TBC1D19: variants seen among roughly 807,000 people sequenced by gnomAD.
The protein encoded by TBC1D19 is TBC1 domain family member 19, also known as TBC1 domain family, member 19.
Under a neutral mutation model 89.0 loss-of-function variants are expected in TBC1D19, and 60 were observed. That is an observed-to-expected ratio of 0.67 (90% confidence interval 0.55 to 0.84). The LOEUF (loss-of-function observed/expected upper bound fraction) is 0.84, where lower values mean the gene tolerates loss of function less well. Among genes scored for constraint, TBC1D19 ranks in the 40% least tolerant of loss-of-function variants. The pLI is 0.00. For synonymous variants in TBC1D19, 189 were observed against 199.7 expected (o/e 0.95, Z 0.45); for missense variants, 500 against 610.8 (o/e 0.82, Z 1.91).
At chr4:26,711,584 G>C (rs892284375) in intron 13 of TBC1D19, among the ~76,000 whole-genome samples, 2 of 151,930 alleles carry the variant, frequency 1.3e-5, no homozygotes, top group Non-Finnish European at 2.9e-5. Context: ...GACATTTTAG[G>C]TATAATTCTG....
At position 26,728,580 on chromosome 4, in the gene TBC1D19, A is replaced by G. The variant is rs557292742; in HGVS notation, c.1085-6875A>G. Among the ~76,000 whole-genome samples the G allele has an allele frequency of 2.1e-4, 32 of 152,344 alleles. No individual in the cohort carries two copies. In the South Asian group the frequency reaches 4.1e-3, roughly 20 times the overall value. On this transcript the variant is annotated intron_variant, in intron 15 of 20. Coordinates refer to ENST00000264866, the MANE Select transcript of TBC1D19 (RefSeq NM_018317.4). ...GAATATAGAGAAAGACTTGAAAAAG[A>G]AATGTTTTTTGAGCTCTCCTTCCAG...
chr4:26,841,193 A>C, the TBC1D19 span, among the ~76,000 whole-genome samples: 1 of 152,300 alleles, frequency 6.6e-6, no homozygotes, highest in South Asian at 2.1e-4. Flanking sequence ...CCTGGCCAAC[A>C]TGGAGAAACC....
the TBC1D19 span, among the ~76,000 whole-genome samples, chr4:26,763,648 C>G: frequency 6.6e-6 from 1 of 152,210 alleles, no homozygotes; most frequent in Non-Finnish European, 1.5e-5. Context: ...GTCGTCAGGA[C>G]TTCCTGAGGC....
intron 19 of TBC1D19, among the ~76,000 whole-genome samples, chr4:26,750,462 G>A (rs1187755108): frequency 6.6e-6 from 1 of 152,160 alleles, no homozygotes; most frequent in African/African-American, 2.4e-5. Context: ...TTCATACCTT[G>A]AAAGAAATGT....
At chr4:26,730,935 T>G (rs1357139073) in intron 15 of TBC1D19, among the ~76,000 whole-genome samples, 3 of 152,194 alleles carry the variant, frequency 2.0e-5, no homozygotes, top group African/African-American at 7.2e-5. Flanking sequence ...TTGGGTACCT[T>G]GGATGTGGTC....
chr4:26,615,449 C>T (rs145933509), intron 3 of TBC1D19, among the ~76,000 whole-genome samples: 13 of 136,456 alleles, frequency 9.5e-5, no homozygotes, highest in East Asian at 2.3e-4. Context: ...TCTAATTGCA[C>T]GTCTGCTTTT....
intron 2 of TBC1D19, among the ~76,000 whole-genome samples, chr4:26,614,058 C>G (rs1741531886): frequency 6.6e-6 from 1 of 152,180 alleles, no homozygotes; most frequent in Non-Finnish European, 1.5e-5. Flanking sequence ...TTGCCGTTCC[C>G]TTGGCACATT....
At chr4:26,837,356 A>G in the TBC1D19 span, among the ~76,000 whole-genome samples, 20 of 152,338 alleles carry the variant, frequency 1.3e-4, no homozygotes, top group African/African-American at 4.6e-4. Flanking sequence ...AAGATGCAAT[A>G]GACTAGCAAA....
chr4:26,801,288 TG>T, the TBC1D19 span, among the ~76,000 whole-genome samples: 1 of 151,890 alleles, frequency 6.6e-6, no homozygotes, highest in Non-Finnish European at 1.5e-5. Context: ...TTCTTCTTTT[TG>T]TCAGGTTTGT....
the TBC1D19 span, among the ~76,000 whole-genome samples, chr4:26,778,896 T>C: frequency 1.3e-5 from 2 of 152,158 alleles, no homozygotes; most frequent in African/African-American, 2.4e-5. Flanking sequence ...CATACTGATA[T>C]CCCTTGGAAT....
intron 7 of TBC1D19, among the ~76,000 whole-genome samples, chr4:26,645,494 A>G (rs907021539): frequency 1.3e-5 from 2 of 152,234 alleles, no homozygotes; most frequent in Non-Finnish European, 2.9e-5. Flanking sequence ...CACCTTATAC[A>G]AAAGTTAATT....
chr4:26,594,371 A>G (rs112115263), intron 1 of TBC1D19, among the ~76,000 whole-genome samples: 2,046 of 152,228 alleles, frequency 0.013, 59 homozygotes, highest in African/African-American at 0.048. Flanking sequence ...GGATAGCATT[A>G]GGAGATATAC....
intron 18 of TBC1D19, among the ~76,000 whole-genome samples, chr4:26,747,861 T>C (rs1454094394): frequency 2.0e-5 from 3 of 152,192 alleles, no homozygotes; most frequent in African/African-American, 7.2e-5. Context: ...CTAACTAAAA[T>C]GAAGTGTTTG....
chr4:26,743,129 G>T (rs1022154228), intron 18 of TBC1D19, among the ~76,000 whole-genome samples: 6 of 152,006 alleles, frequency 3.9e-5, no homozygotes, highest in African/African-American at 1.4e-4. Flanking sequence ...AATATGTATA[G>T]TATCTCTGGA....
chr4:26,608,968 G>T (rs976604076), intron 1 of TBC1D19, among the ~76,000 whole-genome samples: 9 of 143,848 alleles, frequency 6.3e-5, no homozygotes, highest in African/African-American at 2.1e-4. Flanking sequence ...ACCAAACACC[G>T]CATGTTCTCA....
At chr4:26,727,245 C>T (rs1717377307) in intron 15 of TBC1D19, among the ~76,000 whole-genome samples, 1 of 152,170 alleles carries the variant, frequency 6.6e-6, no homozygotes, top group African/African-American at 2.4e-5. Flanking sequence ...ATGACAACCT[C>T]TAAGATCAAA....
chr4:26,677,021 T>A (rs1423809810), intron 11 of TBC1D19, among the ~76,000 whole-genome samples: 1 of 152,206 alleles, frequency 6.6e-6, no homozygotes, highest in Non-Finnish European at 1.5e-5. Flanking sequence ...TTAGTGAACC[T>A]AAGCACTCGT....
the TBC1D19 span, among the ~76,000 whole-genome samples, chr4:26,799,951 T>TA: frequency 0.36 from 54,320 of 151,802 alleles, 10,702 homozygotes; most frequent in East Asian, 0.56. Context: ...ATTCTTTTTT[T>TA]TAAAAAACTG....
the TBC1D19 span, among the ~76,000 whole-genome samples, chr4:26,825,808 G>A: frequency 6.6e-5 from 10 of 152,290 alleles, no homozygotes; most frequent in African/African-American, 2.4e-4. Context: ...CTCCTTCATA[G>A]AATTGTTATA....
Sources: gnomAD v4.1 joint callset for allele counts (sites outside exome capture counted in the v4.1 genomes callset) on GRCh38, gnomAD v4.1.1 for gene constraint, MANE v1.5 for transcripts, NCBI Gene and HGNC (gene_info 2026-07-23, HGNC 2026-07-21) for gene names.